The following FPR3 variants were observed in gnomAD, a reference collection of about 807,000 sequenced individuals.
FPR3 encodes formyl peptide receptor 3.
For missense variants in FPR3, 346 were observed against 443.2 expected (o/e 0.78, Z 1.97); for synonymous variants, 135 against 163.6 (o/e 0.83, Z 1.34).
rs571422598 is a variant in FPR3 at position 51,819,708 on chromosome 19, A to G, written c.-10-4031A>G. Among the ~76,000 whole-genome samples, 560 of 152,332 alleles carry G rather than the reference A, an allele frequency of 3.7e-3. 3 individuals carry two copies. Among genetic ancestry groups the G allele is most frequent in the African/African-American group, 0.013 (530 of 41,572 alleles). On this transcript the variant is annotated intron_variant, in intron 1 of 1. Coordinates refer to ENST00000339223, the MANE Select transcript of FPR3 (RefSeq NM_002030.5). ...TGAGGTGAGAAAAAAAAAGCAAGCA[A>G]TTAGAGACAACCATTTCTAAAGTTT...
chr19:51,823,302 G>A (rs1311030447), intron 1 of FPR3, among the ~76,000 whole-genome samples: 2 of 152,212 alleles, frequency 1.3e-5, no homozygotes, highest in Non-Finnish European at 2.9e-5. Flanking sequence ...AGGGACAGGA[G>A]CTGGGAGACT....
At chr19:51,819,015 G>A (rs2084167757) in intron 1 of FPR3, among the ~76,000 whole-genome samples, 1 of 152,210 alleles carries the variant, frequency 6.6e-6, no homozygotes, top group Non-Finnish European at 1.5e-5. Flanking sequence ...TAGTGGAGAT[G>A]GAGATGGCTC....
intron 1 of FPR3, among the ~76,000 whole-genome samples, chr19:51,802,134 T>G (rs1254618426): frequency 1.3e-5 from 2 of 151,910 alleles, no homozygotes; most frequent in Non-Finnish European, 2.9e-5. Context: ...AAAACCGAAT[T>G]AATAAAAGCG....
intron 1 of FPR3, among the ~76,000 whole-genome samples, chr19:51,808,949 C>T (rs2084079151): frequency 6.6e-6 from 1 of 152,208 alleles, no homozygotes; most frequent in Non-Finnish European, 1.5e-5. Flanking sequence ...CTGAGCCATT[C>T]TAATAGTGAG....
At chr19:51,823,634 G>T in intron 1 of FPR3, 105 bp from the exon 2 acceptor site, 1 of 864,936 alleles carries the variant, frequency 1.2e-6, no homozygotes. Context: ...AGGCTCACTG[G>T]GGAGGGTCTG....
intron 1 of FPR3, among the ~76,000 whole-genome samples, chr19:51,803,432 A>G (rs1163552012): frequency 6.6e-6 from 1 of 152,168 alleles, no homozygotes; most frequent in Non-Finnish European, 1.5e-5. Flanking sequence ...CTGGCAAAAG[A>G]CACCACTCAA....
chr19:51,817,631 T>C (rs1030334956), intron 1 of FPR3: 3 of 152,192 alleles, frequency 2.0e-5, no homozygotes, highest in African/African-American at 4.8e-5. Flanking sequence ...CCTCTCCCTA[T>C]AAAATCAAAC....
At chr19:51,801,391 C>T (rs1967419227) in intron 1 of FPR3, among the ~76,000 whole-genome samples, 2 of 151,912 alleles carry the variant, frequency 1.3e-5, no homozygotes, top group South Asian at 4.2e-4. Context: ...ATTCAAAATC[C>T]ATATATTAAT....
intron 1 of FPR3, among the ~76,000 whole-genome samples, chr19:51,801,125 C>G (rs973061764): frequency 6.6e-6 from 1 of 151,150 alleles, no homozygotes; most frequent in African/African-American, 2.4e-5. Flanking sequence ...GACTGACGCT[C>G]TAGGCAGTTA....
chr19:51,824,491 C>T lies in FPR3; in HGVS notation c.743C>T (p.Ala248Val), dbSNP rs2084216839. 1.2e-6 allele frequency: 2 copies of T among 1,613,994 alleles called. No homozygotes were observed. Among genetic ancestry groups the T allele is most frequent in the Non-Finnish European group, 8.5e-7 (1 of 1,179,988 alleles). Reference protein sequence around the residue: ...RPLRVFAAVVASFFICWFPYE... With the variant: ...RPLRVFAAVVVSFFICWFPYE... Reference sequence around the variant, plus strand: ...TTACGTGTCTTCGCTGCTGTGGTGGCTTCTTTCTTCATCTGTTGGTTCCCT... The same window carrying T: ...TTACGTGTCTTCGCTGCTGTGGTGGTTTCTTTCTTCATCTGTTGGTTCCCT... The change falls in exon 2 of 2, where the codon GCT becomes GTT. Residue 248 changes from alanine to valine, a missense_variant. Physicochemically the swap from Ala to Val is moderately conservative, Grantham distance 64. Coordinates refer to ENST00000339223, the MANE Select transcript of FPR3 (RefSeq NM_002030.5). This position sits in a 1 kb window ranked among gnomAD's most constrained non-coding sequence, Gnocchi z 4.7.
chr19:51,812,716 C>A (rs1018165070), intron 1 of FPR3, among the ~76,000 whole-genome samples: 1 of 152,174 alleles, frequency 6.6e-6, no homozygotes, highest in African/African-American at 2.4e-5. Context: ...ACATTGAGGA[C>A]AACCTCCTCT....
intron 1 of FPR3, among the ~76,000 whole-genome samples, chr19:51,799,381 G>A (rs2084016953): frequency 6.6e-6 from 1 of 152,194 alleles, no homozygotes; most frequent in African/African-American, 2.4e-5. Flanking sequence ...CTTTTGTCCT[G>A]ACCTCTGGTG....
chr19:51,821,459 C>T (rs1190659508), intron 1 of FPR3, among the ~76,000 whole-genome samples: 1 of 152,096 alleles, frequency 6.6e-6, no homozygotes, highest in East Asian at 1.9e-4. Context: ...TCCTACTGTG[C>T]ACAGAACAGT....
intron 1 of FPR3, among the ~76,000 whole-genome samples, chr19:51,798,293 A>G (rs958293298): frequency 3.3e-5 from 5 of 152,004 alleles, no homozygotes; most frequent in Non-Finnish European, 5.9e-5. Context: ...CTGAATGGGG[A>G]GTTGCTACTG....
intron 1 of FPR3, among the ~76,000 whole-genome samples, chr19:51,796,097 C>A (rs1400928532): frequency 6.6e-6 from 1 of 152,158 alleles, no homozygotes; most frequent in East Asian, 1.9e-4. Flanking sequence ...TAGGCTGTAC[C>A]TGAGCATTCT....
chr19:51,822,569 T>A (rs1568432619), intron 1 of FPR3, among the ~76,000 whole-genome samples: 3 of 152,208 alleles, frequency 2.0e-5, no homozygotes. Context: ...GATTTCACAA[T>A]TGCTCTCAAC....
At position 51,822,116 on chromosome 19, in the gene FPR3, G is replaced by A. The variant is rs181312368; in HGVS notation, c.-10-1623G>A. ...GACACAAGGGACACAGAGACCTTTG[G>A]GTTGAGTTGGATGCAACAGCTTCCC... is the stretch of plus-strand genomic sequence containing the variant. On this transcript the variant is annotated intron_variant, in intron 1 of 1. Transcript: ENST00000339223. 2.3e-4 allele frequency among the ~76,000 whole-genome samples: 35 copies of A among 152,284 alleles called. 1 individual carries two copies. The highest frequency in any genetic ancestry group is 2.3e-3 in the Admixed American group (35 of 15,294).
In FPR3 at chr19:51,824,134, A is replaced by G. The variant is rs1367030704; in HGVS notation, c.386A>G (p.His129Arg). The G allele has an allele frequency of 3.1e-6, 5 of 1,613,874 alleles. No homozygotes were observed. In the African/African-American group the frequency reaches 4.0e-5, roughly 13 times the overall value. Reference sequence around the variant, plus strand: ...CTGGACCGCTGTATTTGTGTCCTGCATCCAGCCTGGGCCCAGAACCATCGC... The same window carrying G: ...CTGGACCGCTGTATTTGTGTCCTGCGTCCAGCCTGGGCCCAGAACCATCGC... ...IALDRCICVL[H>R]PAWAQNHRTM... The change falls in exon 2 of 2, where the codon CAT (histidine) becomes CGT (arginine). Residue 129 changes from histidine to arginine, a missense_variant. His to Arg is a conservative substitution (Grantham distance 29, BLOSUM62 0). Coordinates refer to ENST00000339223, the MANE Select transcript of FPR3 (RefSeq NM_002030.5). This position sits in a 1 kb window ranked among gnomAD's most constrained non-coding sequence, Gnocchi z 4.7.
At chr19:51,816,037 A>T (rs547735397) in intron 1 of FPR3, among the ~76,000 whole-genome samples, 197 of 150,636 alleles carry the variant, frequency 1.3e-3, no homozygotes, top group African/African-American at 4.7e-3. Flanking sequence ...ACTACACCCC[A>T]GACTGGGGAA....
Sources: gnomAD v4.1 joint callset for allele counts (sites outside exome capture counted in the v4.1 genomes callset) on GRCh38, gnomAD v4.1.1 for gene constraint, Gnocchi (gnomAD v3.1) non-coding constraint, MANE v1.5 for transcripts, NCBI Gene and HGNC (gene_info 2026-07-23, HGNC 2026-07-21) for gene names.